ALLC: variants seen among roughly 807,000 people sequenced by gnomAD.
ALLC encodes probable inactive allantoicase.
ALLC carries 40 observed loss-of-function variants against 45.0 expected under a neutral mutation model. That is an observed-to-expected ratio of 0.89 (90% CI 0.69 to 1.16). The LOEUF (loss-of-function observed/expected upper bound fraction) is 1.16. ALLC is among the 50% of genes most tolerant of loss of function. The pLI, the probability that ALLC is intolerant of heterozygous loss-of-function variation, is 0.00. For synonymous variants in ALLC, 176 were observed against 178.1 expected, an observed-to-expected ratio of 0.99 and a Z score of 0.09; for missense variants, 488 against 493.1, an observed-to-expected ratio of 0.99 and a Z score of 0.10.
chr2:3,682,456 T>A (rs945366625), intron 6 of ALLC, among the ~76,000 whole-genome samples: 3 of 152,376 alleles, frequency 2.0e-5, no homozygotes, highest in Non-Finnish European at 4.4e-5. Context: ...CTGTTTTTTA[T>A]TAAACATGGG....
At chr2:3,692,183 G>C (rs973896774) in intron 7 of ALLC, among the ~76,000 whole-genome samples, 1 of 152,132 alleles carries the variant, frequency 6.6e-6, no homozygotes, top group African/African-American at 2.4e-5. Context: ...ATCTATGCCT[G>C]TGCATTGAAG....
intron 9 of ALLC, 117 bp downstream of exon 9, chr2:3,696,465 C>T: frequency 5.4e-6 from 4 of 742,812 alleles, no homozygotes; most frequent in African/African-American, 1.8e-5. Flanking sequence ...GTTCTAAATG[C>T]TAATTACTAT....
rs1558552054 is a variant in ALLC at position 3,702,348 on chromosome 2, CTGCT to C, written c.976-9_976-6del. The C allele has an allele frequency of 6.2e-7, 1 of 1,611,452 alleles. No individual in the cohort carries two copies. The highest frequency in any genetic ancestry group is 1.3e-5 in the African/African-American group (1 of 74,994). ...TGTTAACAGACTAGGACCTCTGCAT[CTGCT>C]TGCTTTTCAGTTGTCTCCCAACCAA... On this transcript the variant is annotated splice_polypyrimidine_tract_variant and intron_variant, in intron 11 of 11. Transcript: ENST00000252505.
intron 1 of ALLC, among the ~76,000 whole-genome samples, chr2:3,668,326 A>C (rs1242895586): frequency 6.6e-6 from 1 of 152,056 alleles, no homozygotes; most frequent in Admixed American, 6.6e-5. Flanking sequence ...GACAGAAGGG[A>C]AAGGGCCCTA....
intron 2 of ALLC, among the ~76,000 whole-genome samples, chr2:3,671,763 G>A (rs866476204): frequency 0.047 from 5,174 of 109,466 alleles, 41 homozygotes; most frequent in African/African-American, 0.056. Context: ...TTAGATCGGA[G>A]GTCCTCTGGC....
At chr2:3,692,373 A>T (rs999955064) in intron 7 of ALLC, among the ~76,000 whole-genome samples, 1 of 152,222 alleles carries the variant, frequency 6.6e-6, no homozygotes, top group Non-Finnish European at 1.5e-5. Flanking sequence ...GAGCCAAAAA[A>T]ATTTTGCAAA....
At chr2:3,659,852 A>C (rs1666527209) in intron 1 of ALLC, among the ~76,000 whole-genome samples, 1 of 152,210 alleles carries the variant, frequency 6.6e-6, no homozygotes, top group African/African-American at 2.4e-5. Flanking sequence ...GTGGCTGAGG[A>C]GAGAAACTTA....
Position 3,674,053 on chromosome 2 carries a change from CTTTCT to C in ALLC, c.34-19_34-15del. The C allele has an allele frequency of 6.7e-7, 1 of 1,498,474 alleles. No individual in the cohort carries two copies. Among genetic ancestry groups the C allele is most frequent in the Non-Finnish European group, 9.1e-7 (1 of 1,103,418 alleles). The allele number at this position is 1,498,474 out of a possible 1,614,324, so 92.8% of individuals were successfully genotyped here. On this transcript the variant is annotated splice_polypyrimidine_tract_variant and intron_variant, in intron 2 of 11. Coordinates refer to ENST00000252505, the MANE Select transcript of ALLC (RefSeq NM_018436.4). The stretch of plus-strand genomic sequence containing the variant: ...TCAGATTTATGGTTGCTTTATCTTT[CTTTCT>C]TTCTTTCTTTGTCTAGATTTTATTT...
intron 9 of ALLC, among the ~76,000 whole-genome samples, chr2:3,697,057 A>G (rs1468011885): frequency 2.0e-5 from 3 of 152,228 alleles, no homozygotes; most frequent in Non-Finnish European, 4.4e-5. Flanking sequence ...GGACTGGAAT[A>G]GACGAAGATT....
chr2:3,649,816 C>T, the ALLC span, among the ~76,000 whole-genome samples: 1 of 152,354 alleles, frequency 6.6e-6, no homozygotes, highest in Middle Eastern at 3.4e-3. Flanking sequence ...AACCAGAGTG[C>T]CCAGAGACAA....
At chr2:3,681,898 G>T (rs910154764) in intron 6 of ALLC, among the ~76,000 whole-genome samples, 185 bp downstream of exon 6, 6 of 152,176 alleles carry the variant, frequency 3.9e-5, no homozygotes, top group African/African-American at 1.4e-4. Context: ...GGAAGAGTGA[G>T]CATCATGGCC....
intron 4 of ALLC, 35 bp from the exon 5 acceptor site, chr2:3,679,834 C>G (rs1558540682): frequency 6.2e-7 from 1 of 1,611,644 alleles, no homozygotes; most frequent in Non-Finnish European, 8.5e-7. Context: ...TGTGTTGGCC[C>G]TAACGAGACT....
At chr2:3,660,298 C>G (rs1303375230) in intron 1 of ALLC, among the ~76,000 whole-genome samples, 1 of 152,156 alleles carries the variant, frequency 6.6e-6, no homozygotes, top group Non-Finnish European at 1.5e-5. Context: ...GCCTGAGGCC[C>G]TCGCTGGAAG....
intron 3 of ALLC, among the ~76,000 whole-genome samples, chr2:3,676,798 T>TC (rs1432931552): frequency 4.3e-5 from 6 of 139,288 alleles, no homozygotes; most frequent in Non-Finnish European, 8.0e-5. Context: ...CTCTCTCTCT[T>TC]TTTTTTTGAG....
At chr2:3,657,411 C>A (rs143841167), upstream of ALLC, among the ~76,000 whole-genome samples, 939 of 152,336 alleles carry the variant, frequency 6.2e-3, 6 homozygotes, top group Non-Finnish European at 0.011. Flanking sequence ...CGCAGGTTGT[C>A]TTTCTGGAGC....
chr2:3,700,393 A>AT (rs1208452468), intron 10 of ALLC, among the ~76,000 whole-genome samples: 1 of 152,140 alleles, frequency 6.6e-6, no homozygotes, highest in African/African-American at 2.4e-5. Flanking sequence ...ACATACTTGC[A>AT]TTTTTTATGG....
the ALLC span, among the ~76,000 whole-genome samples, chr2:3,653,062 A>C: frequency 7.9e-5 from 12 of 152,324 alleles, no homozygotes; most frequent in African/African-American, 2.6e-4. This position sits in a 1 kb window ranked among gnomAD's most constrained non-coding sequence, Gnocchi z 4.1. Flanking sequence ...GCCTGTCTGC[A>C]GCCTGCAGAT....
chr2:3,676,702 A>G (rs1208810570), intron 3 of ALLC, among the ~76,000 whole-genome samples: 1 of 152,116 alleles, frequency 6.6e-6, no homozygotes, highest in African/African-American at 2.4e-5. Flanking sequence ...TAGGTTGATG[A>G]CATTTTGCAC....
chr2:3,671,308 G>A, intron 2 of ALLC, 118 bp downstream of exon 2: 2 of 1,203,962 alleles, frequency 1.7e-6, no homozygotes, highest in Non-Finnish European at 2.4e-6. Flanking sequence ...GTGTTGGCCT[G>A]CCCAAGGAAA....
Sources: gnomAD v4.1 joint callset for allele counts (sites outside exome capture counted in the v4.1 genomes callset) on GRCh38, gnomAD v4.1.1 for gene constraint, Gnocchi (gnomAD v3.1) non-coding constraint, MANE v1.5 for transcripts, NCBI Gene and HGNC (gene_info 2026-07-23, HGNC 2026-07-21) for gene names.